CEACAM21: variants seen among roughly 807,000 people sequenced by gnomAD.
CEACAM21 encodes CEA cell adhesion molecule 21, also known as cell adhesion molecule CEACAM21.
In CEACAM21, 38 loss-of-function variants were observed where a neutral mutation model predicts 33.2. The ratio of observed to expected loss-of-function variants is 1.14; its 90% CI spans 0.88 to 1.50. CEACAM21 has a LOEUF of 1.50. Ranked by LOEUF, CEACAM21 falls within the 40% of genes most tolerant of loss-of-function variation. CEACAM21 has a pLI of 0.00. For synonymous variants in CEACAM21, 156 were observed against 143.0 expected, an observed-to-expected ratio of 1.09 and a Z score of -0.65; for missense variants, 385 against 364.6, an observed-to-expected ratio of 1.06 and a Z score of -0.46.
chr19:41,586,337 G>T, intron 6 of CEACAM21, 127 bp from the exon 7 acceptor site: 1 of 597,464 alleles, frequency 1.7e-6, no homozygotes, highest in South Asian at 1.4e-5. Context: ...GGAGGGGCCT[G>T]GGAGCAGGAA....
chr19:41,557,163 A>G (rs2122165820), intron 1 of CEACAM21, among the ~76,000 whole-genome samples: 1 of 152,296 alleles, frequency 6.6e-6, no homozygotes, highest in South Asian at 2.1e-4. Flanking sequence ...AATCCCAAAG[A>G]TCTCCTCCCC....
intron 1 of CEACAM21, among the ~76,000 whole-genome samples, chr19:41,553,066 G>A (rs2041319325): frequency 6.6e-6 from 1 of 151,848 alleles, no homozygotes; most frequent in Non-Finnish European, 1.5e-5. Flanking sequence ...TTTAAAAACA[G>A]GTGTACTATA....
chr19:41,569,198 T>C (rs1600207572), intron 2 of CEACAM21, among the ~76,000 whole-genome samples: 1 of 152,026 alleles, frequency 6.6e-6, no homozygotes, highest in Admixed American at 6.6e-5. Flanking sequence ...ATGTATTCCA[T>C]ATTTCTTTTT....
At chr19:41,553,348 C>T (rs1400653438) in intron 1 of CEACAM21, among the ~76,000 whole-genome samples, 1 of 118,890 alleles carries the variant, frequency 8.4e-6, no homozygotes, top group East Asian at 2.9e-4. Context: ...AGATGATCTG[C>T]CCACCTCAGC....
chr19:41,568,699 T>A (rs1555788778), intron 2 of CEACAM21, among the ~76,000 whole-genome samples: 1 of 152,268 alleles, frequency 6.6e-6, no homozygotes, highest in African/African-American at 2.4e-5. Flanking sequence ...CTTTGCAGTA[T>A]GCTTTGATTG....
rs782652874 is a variant in CEACAM21, at chr19:41,585,504, C to T, written c.850+9C>T. The T allele has an allele frequency of 6.2e-6, 10 of 1,613,606 alleles. No individual in the cohort carries two copies. In the South Asian group the frequency reaches 8.8e-5, roughly 14 times the overall value. On this transcript the variant is annotated intron_variant, in intron 5 of 6. Coordinates refer to ENST00000401445, the MANE Select transcript of CEACAM21 (RefSeq NM_001098506.4). ...CCCAGCCTCCACCCCCGGTGAGTGTCCCTTCAGTCTGGGTGTGGCTGGGAA... is the reference window on the plus strand; with the variant it reads ...CCCAGCCTCCACCCCCGGTGAGTGTTCCTTCAGTCTGGGTGTGGCTGGGAA...
chr19:41,568,247 G>A (rs146053374), intron 2 of CEACAM21, among the ~76,000 whole-genome samples: 10 of 151,772 alleles, frequency 6.6e-5, no homozygotes, highest in African/African-American at 2.4e-4. Flanking sequence ...TTGCTCTGCT[G>A]GCCTTTTTTT....
At chr19:41,580,602 G>A (rs1416474978) in intron 3 of CEACAM21, among the ~76,000 whole-genome samples, 1 of 152,154 alleles carries the variant, frequency 6.6e-6, no homozygotes, top group Non-Finnish European at 1.5e-5. Flanking sequence ...TTGTAATAAA[G>A]GACTTTACAA....
At chr19:41,570,887 C>T (rs1472168009) in intron 2 of CEACAM21, among the ~76,000 whole-genome samples, 1 of 151,956 alleles carries the variant, frequency 6.6e-6, no homozygotes, top group Admixed American at 6.6e-5. Context: ...GGGGTGAGTT[C>T]AGGTGGAGGG....
Position 41,576,617 on chromosome 19 carries a change from C to T in CEACAM21, c.64+279C>T, listed in dbSNP as rs987476926. Among the ~76,000 whole-genome samples the T allele has an allele frequency of 5.3e-5, 8 of 152,170 alleles. No homozygotes were observed. In the East Asian group the frequency reaches 1.5e-3, roughly 29 times the overall value. The stretch of plus-strand genomic sequence containing the variant: ...ACAGTGACAATTTAAATAAAAACAC[C>T]ACCAGGGCATGAAACTCTGTCTTCA... On this transcript the variant is annotated intron_variant, in intron 1 of 6. Transcript: ENST00000401445.
At chr19:41,559,366 T>TA (rs558022943) in intron 1 of CEACAM21, among the ~76,000 whole-genome samples, 63 of 152,324 alleles carry the variant, frequency 4.1e-4, no homozygotes, top group African/African-American at 1.5e-3. Flanking sequence ...GAATATGTCT[T>TA]ACCAAAAATG....
intron 3 of CEACAM21, among the ~76,000 whole-genome samples, chr19:41,582,040 A>G (rs1214102942): frequency 6.6e-6 from 1 of 152,246 alleles, no homozygotes; most frequent in African/African-American, 2.4e-5. Context: ...TAAAATCAAA[A>G]GCAAGCTTAG....
chr19:41,576,564 A>G (rs1032984923), intron 1 of CEACAM21, among the ~76,000 whole-genome samples: 1 of 152,258 alleles, frequency 6.6e-6, no homozygotes, highest in Admixed American at 6.5e-5. Context: ...TGGCCACTAC[A>G]CTTTGAAAAT....
chr19:41,584,759 A>T (rs2070595889), intron 4 of CEACAM21, among the ~76,000 whole-genome samples: 1 of 152,100 alleles, frequency 6.6e-6, no homozygotes, highest in Admixed American at 6.5e-5. Flanking sequence ...CCCCCTGTTC[A>T]CTGAATCCAT....
At chr19:41,557,067 A>G (rs1555785761) in intron 1 of CEACAM21, among the ~76,000 whole-genome samples, 1 of 152,228 alleles carries the variant, frequency 6.6e-6, no homozygotes, top group Admixed American at 6.5e-5. Flanking sequence ...CCTACTTCAT[A>G]AAAAGCCAAG....
rs186446516 is a variant in CEACAM21, at chr19:41,577,575, G to C, written c.424+16G>C. 6 of 1,610,956 alleles carry C rather than the reference G, an allele frequency of 3.7e-6. No homozygotes were observed. In the Admixed American group the frequency reaches 6.7e-5, roughly 18 times the overall value. ...CGTGTATACGGTGAGTGATTCCTCC[G>C]TGCCTCTGGGTGTTGGGGGTCAGTT... On this transcript the variant is annotated intron_variant, in intron 2 of 6. Coordinates refer to ENST00000401445, the MANE Select transcript of CEACAM21 (RefSeq NM_001098506.4).
chr19:41,579,389 CCA>C lies in CEACAM21; in HGVS notation c.464_465del (p.Thr155SerfsTer15). 1 of 1,613,990 alleles carries C rather than the reference CCA, an allele frequency of 6.2e-7. No homozygotes were observed. ...CAGCCCTCCATCCAAGCCAGCAGCA[CCA>C]CAGTCACAGAGAAGGGCTCCGTGGT... On this transcript the variant is annotated frameshift_variant, in exon 3 of 7. Transcript: ENST00000401445. LOFTEE classifies it high-confidence loss of function.
chr19:41,585,116 C>G (rs1555794838), intron 4 of CEACAM21, among the ~76,000 whole-genome samples: 2 of 152,134 alleles, frequency 1.3e-5, no homozygotes, highest in Non-Finnish European at 1.5e-5. Context: ...CCTGCTTTCC[C>G]CCTGGTGCCT....
intron 2 of CEACAM21, among the ~76,000 whole-genome samples, chr19:41,565,968 C>CG (rs1260748718): frequency 0.16 from 4,181 of 25,702 alleles, 66 homozygotes; most frequent in Non-Finnish European, 0.2. Flanking sequence ...TTTGGGGGGG[C>CG]GGGGGGGGTG....
Sources: gnomAD v4.1 joint callset for allele counts (sites outside exome capture counted in the v4.1 genomes callset) on GRCh38, gnomAD v4.1.1 for gene constraint, MANE v1.5 for transcripts, NCBI Gene and HGNC (gene_info 2026-07-23, HGNC 2026-07-21) for gene names.